CCDC141: variants seen among roughly 807,000 people sequenced by gnomAD.
CCDC141 encodes the protein coiled-coil domain containing 141.
In CCDC141, 168 loss-of-function variants were observed where a neutral mutation model predicts 181.0. The ratio of observed to expected loss-of-function variants is 0.93; its 90% CI spans 0.82 to 1.05. The LOEUF is 1.05. CCDC141 is among the 50% of genes least tolerant of loss of function. The pLI, the probability that CCDC141 is intolerant of heterozygous loss-of-function variation, is 0.00. For missense variants in CCDC141, 1,902 were observed against 1,788.5 expected (o/e 1.06, Z -1.14); for synonymous variants, 666 against 642.3 (o/e 1.04, Z -0.56).
At chr2:178,852,100 T>A (rs1289967945) in intron 20 of CCDC141, among the ~76,000 whole-genome samples, 2 of 152,144 alleles carry the variant, frequency 1.3e-5, no homozygotes, top group East Asian at 3.9e-4. Context: ...GCAAAATCGC[T>A]CCTCAAATAC....
chr2:178,855,840 T>C (rs1366079452), intron 18 of CCDC141, among the ~76,000 whole-genome samples: 1 of 152,162 alleles, frequency 6.6e-6, no homozygotes, highest in Non-Finnish European at 1.5e-5. Flanking sequence ...AAGCTCACTG[T>C]CTCCTGGAAA....
intron 6 of CCDC141, among the ~76,000 whole-genome samples, chr2:178,923,005 T>G (rs1447848865): frequency 6.6e-6 from 1 of 152,236 alleles, no homozygotes; most frequent in Non-Finnish European, 1.5e-5. Flanking sequence ...CTTTGGGCAA[T>G]CTATAGGCAG....
intron 2 of CCDC141, among the ~76,000 whole-genome samples, chr2:179,038,667 A>T (rs2043210268): frequency 6.6e-6 from 1 of 152,170 alleles, no homozygotes; most frequent in Non-Finnish European, 1.5e-5. Context: ...TTTATAGTAC[A>T]TTCATTTCTA....
intron 7 of CCDC141, among the ~76,000 whole-genome samples, chr2:178,906,291 C>T (rs1687966471): frequency 6.6e-6 from 1 of 152,136 alleles, no homozygotes; most frequent in Non-Finnish European, 1.5e-5. Context: ...GAGGAGTTAG[C>T]CACTGGGCCA....
chr2:179,022,547 T>C (rs1379967660), intron 2 of CCDC141, among the ~76,000 whole-genome samples: 2 of 152,156 alleles, frequency 1.3e-5, no homozygotes, highest in African/African-American at 2.4e-5. Context: ...TATTAAATTC[T>C]ACCTTCCCCA....
At chr2:178,860,817 T>G (rs1685581214) in intron 17 of CCDC141, among the ~76,000 whole-genome samples, 1 of 152,028 alleles carries the variant, frequency 6.6e-6, no homozygotes, top group Admixed American at 6.5e-5. Flanking sequence ...TGTCTTAAAT[T>G]GTAGGTAGCA....
At chr2:179,000,234 A>T (rs924710869) in intron 2 of CCDC141, among the ~76,000 whole-genome samples, 1 of 152,158 alleles carries the variant, frequency 6.6e-6, no homozygotes, top group African/African-American at 2.4e-5. Flanking sequence ...ACAAAACTTA[A>T]AAAAGAATAT....
intron 4 of CCDC141, among the ~76,000 whole-genome samples, chr2:178,972,397 G>T (rs1396592339): frequency 6.6e-6 from 1 of 151,934 alleles, no homozygotes; most frequent in East Asian, 1.9e-4. Context: ...GGAGATCTAG[G>T]GTCTCACAAC....
intron 5 of CCDC141, among the ~76,000 whole-genome samples, chr2:178,953,554 C>T (rs567932085): frequency 3.9e-5 from 6 of 152,212 alleles, no homozygotes; most frequent in African/African-American, 9.6e-5. Flanking sequence ...AGAATGCAGC[C>T]GAAGAGGCTG....
At chr2:178,890,755 G>C (rs1301556841) in intron 8 of CCDC141, among the ~76,000 whole-genome samples, 1 of 152,124 alleles carries the variant, frequency 6.6e-6, no homozygotes, top group African/African-American at 2.4e-5. Flanking sequence ...AATACAAAAT[G>C]AACTCTCTTT....
intron 5 of CCDC141, among the ~76,000 whole-genome samples, chr2:178,949,744 G>A (rs1689874746): frequency 6.6e-6 from 1 of 152,194 alleles, no homozygotes; most frequent in African/African-American, 2.4e-5. Context: ...GAAGCCAGCT[G>A]TGGGCAGTGG....
At chr2:178,909,619 T>C (rs181621348) in intron 7 of CCDC141, among the ~76,000 whole-genome samples, 4 of 152,318 alleles carry the variant, frequency 2.6e-5, no homozygotes, top group African/African-American at 7.2e-5. Flanking sequence ...GCCAGTTCCA[T>C]GTGCCAGTTC....
At chr2:179,035,765 G>C (rs1381886261) in intron 2 of CCDC141, among the ~76,000 whole-genome samples, 3 of 152,188 alleles carry the variant, frequency 2.0e-5, no homozygotes, top group Non-Finnish European at 4.4e-5. Flanking sequence ...AGTAAAAGCA[G>C]CCAGTCTCTT....
Position 178,975,060 on chromosome 2 carries a change from T to C in CCDC141, c.523A>G (p.Lys175Glu). The change falls in exon 4 of 24, where the codon AAA becomes GAA. Residue 175 changes from lysine to glutamate, a missense_variant. Coordinates refer to ENST00000443758, the MANE Select transcript of CCDC141 (RefSeq NM_173648.4). ...SLLQLHEHHT[K>E]ELLERSLALL... ...GAGAAATAAACATATTTCTTGCCTT[T>C]AGTATGATGTTCATGAAGCTGAAGA... The C allele has an allele frequency of 6.9e-7, 1 of 1,455,180 alleles. No homozygotes were observed. The highest frequency in any genetic ancestry group is 1.3e-5 in the South Asian group (1 of 77,608). The allele number at this position is 1,455,180 out of a possible 1,614,324, so 90.1% of individuals were successfully genotyped here. A position where few individuals can be genotyped will look rare whatever the true frequency, so the allele number is the denominator to read the frequency against.
intron 4 of CCDC141, among the ~76,000 whole-genome samples, chr2:178,966,869 A>T (rs1234795020): frequency 1.3e-5 from 2 of 152,166 alleles, no homozygotes; most frequent in African/African-American, 4.8e-5. Context: ...AGGTTAGACG[A>T]ATTGCTAACT....
At chr2:179,000,752 C>A (rs2041946353) in intron 2 of CCDC141, among the ~76,000 whole-genome samples, 1 of 151,992 alleles carries the variant, frequency 6.6e-6, no homozygotes, top group Admixed American at 6.6e-5. Flanking sequence ...CTTTGTAGAC[C>A]CCTCTTGTGT....
At chr2:178,964,259 C>T (rs1471019381) in intron 4 of CCDC141, among the ~76,000 whole-genome samples, 1 of 152,078 alleles carries the variant, frequency 6.6e-6, no homozygotes, top group Non-Finnish European at 1.5e-5. Context: ...AACAGCTACA[C>T]GCAAACACAC....
At chr2:178,817,414 T>C in the CCDC141 span, 2 of 449,746 alleles carry the variant, frequency 4.4e-6, no homozygotes, top group African/African-American at 4.0e-5. Flanking sequence ...ACAGAAGTAC[T>C]TCCTAGAATC....
chr2:178,855,691 T>C (rs1685354330), intron 18 of CCDC141, 150 bp from the exon 19 acceptor site: 1 of 535,738 alleles, frequency 1.9e-6, no homozygotes, highest in Admixed American at 3.9e-5. Flanking sequence ...ATGGTAAGAA[T>C]GGGTTTCCCC....
Sources: allele counts gnomAD v4.1 joint callset (sites outside exome capture counted in the v4.1 genomes callset), GRCh38; gene constraint gnomAD v4.1.1; transcripts MANE v1.5; gene names NCBI Gene and HGNC (gene_info 2026-07-23, HGNC 2026-07-21).